Variants in OR56A3 observed in about 807,000 individuals in gnomAD.
The protein encoded by OR56A3 is olfactory receptor 56A3.
Under a neutral mutation model 17.5 loss-of-function variants are expected in OR56A3, and 23 were observed. The ratio of observed to expected loss-of-function variants is 1.32; its 90% CI spans 0.95 to 1.87. The LOEUF is 1.87. Among genes scored for constraint, OR56A3 ranks in the 40% most tolerant of loss-of-function variants. The pLI is 0.00. For missense variants in OR56A3, 366 were observed against 380.1 expected, an observed-to-expected ratio of 0.96 and a Z score of 0.31; for synonymous variants, 175 against 150.6, an observed-to-expected ratio of 1.16 and a Z score of -1.19.
At chr11:6,001,840 A>G in the OR56A3 span, 1 of 504,284 alleles carries the variant, frequency 2.0e-6, no homozygotes, top group Non-Finnish European at 3.4e-6. Flanking sequence ...TAACCATAGA[A>G]TCCAGAAAAG....
rs1847877268 is a variant in OR56A3, at chr11:5,947,468, T to C, written c.122T>C (p.Leu41Ser). The change falls in exon 3 of 3, where the codon TTG (leucine) becomes TCG (serine). Residue 41 changes from leucine (L) to serine (S), a missense_variant. Transcript: ENST00000641160. ...CTGCCCCTCAGCCTCCTTTTCCTCTTGGCCGTAGGGGCCAACACCACCCTC... is the reference window on the plus strand; with the variant it reads ...CTGCCCCTCAGCCTCCTTTTCCTCTCGGCCGTAGGGGCCAACACCACCCTC... ...LSLPLSLLFL[L>S]AVGANTTLLM... 6.2e-7 allele frequency: 1 copy of C among 1,614,040 alleles called. No individual in the cohort carries two copies. The highest frequency in any genetic ancestry group is 8.5e-7 in the Non-Finnish European group (1 of 1,179,886).
the OR56A3 span, among the ~76,000 whole-genome samples, chr11:6,016,404 C>T: frequency 3.3e-5 from 5 of 152,030 alleles, no homozygotes; most frequent in Non-Finnish European, 5.9e-5. Context: ...TCACTGATTA[C>T]AACTGAAGAA....
intron 2 of OR56A3, among the ~76,000 whole-genome samples, chr11:5,946,190 T>C (rs574308804): frequency 6.6e-6 from 1 of 152,358 alleles, no homozygotes; most frequent in South Asian, 2.1e-4. Flanking sequence ...CTATTTATAA[T>C]GATATTTTTC....
chr11:6,007,935 T>G, the OR56A3 span, among the ~76,000 whole-genome samples: 2 of 152,182 alleles, frequency 1.3e-5, no homozygotes, highest in Non-Finnish European at 2.9e-5. Context: ...ATGTCCAAGA[T>G]TTTATCTTCA....
chr11:5,985,622 T>C, the OR56A3 span, among the ~76,000 whole-genome samples: 4 of 152,302 alleles, frequency 2.6e-5, no homozygotes, highest in East Asian at 5.8e-4. Flanking sequence ...TGGCCTACCA[T>C]TGGGCAAAGG....
chr11:5,962,594 AGT>A, the OR56A3 span, among the ~76,000 whole-genome samples: 1 of 144,092 alleles, frequency 6.9e-6, no homozygotes, highest in East Asian at 2.1e-4. Context: ...TGCGGACTGC[AGT>A]GGCGCAATCT....
At position 5,949,593 on chromosome 11, in the gene OR56A3, C is replaced by G. The variant is rs1307039274; in HGVS notation, c.*1299C>G. The G allele has an allele frequency of 2.6e-5, 4 of 152,174 alleles. No homozygotes were observed. Among genetic ancestry groups the G allele is most frequent in the Admixed American group, 2.0e-4 (3 of 15,274 alleles). The allele number at this position is 152,174 out of a possible 1,614,324, so 9.4% of individuals were successfully genotyped here. On this transcript the variant is annotated 3_prime_UTR_variant, in exon 3 of 3. Coordinates refer to ENST00000641160, the MANE Select transcript of OR56A3 (RefSeq NM_001003443.3). ...GATTCTGTGCTTCAGTAACAACTTA[C>G]AAGTATGTGTTACTTTGTTTTGACC...
downstream of OR56A3, among the ~76,000 whole-genome samples, chr11:5,952,239 T>G (rs1481345928): frequency 6.6e-6 from 1 of 152,196 alleles, no homozygotes; most frequent in Non-Finnish European, 1.5e-5. Flanking sequence ...TGCAAGGCGG[T>G]TGCCACTTGG....
At chr11:5,978,306 A>G in the OR56A3 span, among the ~76,000 whole-genome samples, 5 of 152,010 alleles carry the variant, frequency 3.3e-5, no homozygotes, top group Non-Finnish European at 5.9e-5. Context: ...AGTATGGGGA[A>G]TGTTTTAACA....
At chr11:6,011,204 T>TATACATATATATATATA in the OR56A3 span, among the ~76,000 whole-genome samples, 1,340 of 122,468 alleles carry the variant, frequency 0.011, 17 homozygotes, top group South Asian at 0.029. Flanking sequence ...GAGATTTATT[T>TATACATATATATATATA]TATATATATA....
chr11:6,015,017 G>GAAAAAAAAAAAAAAA, the OR56A3 span, among the ~76,000 whole-genome samples: 12 of 39,536 alleles, frequency 3.0e-4, no homozygotes, highest in Admixed American at 9.0e-4. Context: ...AAAAAAAAAT[G>GAAAAAAAAAAAAAAA]ACCTGAAACT....
At chr11:5,987,411 A>G in the OR56A3 span, among the ~76,000 whole-genome samples, 1 of 152,006 alleles carries the variant, frequency 6.6e-6, no homozygotes, top group Non-Finnish European at 1.5e-5. Flanking sequence ...TCTGTGCATT[A>G]TCTCTTAATT....
chr11:5,991,039 C>A, the OR56A3 span, among the ~76,000 whole-genome samples: 2 of 152,160 alleles, frequency 1.3e-5, no homozygotes, highest in East Asian at 1.9e-4. Flanking sequence ...TTGTGGGGAA[C>A]AATGATGAAG....
the OR56A3 span, chr11:6,002,740 G>A: frequency 6.2e-7 from 1 of 1,614,214 alleles, no homozygotes; most frequent in Non-Finnish European, 8.5e-7. Context: ...AAGATGGCCA[G>A]GACCTTGGGG....
At chr11:6,002,770 C>T in the OR56A3 span, 30 of 1,613,708 alleles carry the variant, frequency 1.9e-5, no homozygotes, top group South Asian at 2.1e-4. Flanking sequence ...AGGCAGAGCA[C>T]GATGTCCAGC....
downstream of OR56A3, among the ~76,000 whole-genome samples, chr11:5,951,879 G>T (rs566796096): frequency 6.6e-6 from 1 of 152,184 alleles, no homozygotes; most frequent in Admixed American, 6.5e-5. Context: ...AAAAAGTAAG[G>T]TAATTTTAGA....
Position 5,948,398 on chromosome 11 carries a change from G to C in OR56A3, c.*104G>C, listed in dbSNP as rs1343857742. 1 of 721,728 alleles carries C rather than the reference G, an allele frequency of 1.4e-6. No homozygotes were observed. The highest frequency in any genetic ancestry group is 2.8e-5 in the Admixed American group (1 of 36,114). The allele number at this position is 721,728 out of a possible 1,614,324, so 44.7% of individuals were successfully genotyped here. A position where few individuals can be genotyped will look rare whatever the true frequency, so the allele number is the denominator to read the frequency against. ...ATCTGTGACTTATAACCTCAAACTGGGTACACTAGATATTGTGTGTGCTTT... is the reference window on the plus strand; with the variant it reads ...ATCTGTGACTTATAACCTCAAACTGCGTACACTAGATATTGTGTGTGCTTT... On this transcript the variant is annotated 3_prime_UTR_variant, in exon 3 of 3. Transcript: ENST00000641160.
the OR56A3 span, among the ~76,000 whole-genome samples, chr11:5,978,478 G>T: frequency 6.6e-6 from 1 of 151,986 alleles, no homozygotes; most frequent in Non-Finnish European, 1.5e-5. Flanking sequence ...TGTGGCTATT[G>T]TAATGGGATT....
At chr11:6,005,215 A>T in the OR56A3 span, among the ~76,000 whole-genome samples, 1 of 152,184 alleles carries the variant, frequency 6.6e-6, no homozygotes, top group African/African-American at 2.4e-5. Flanking sequence ...TCATATTCTG[A>T]AGTTCTGTTA....
Sources: allele counts gnomAD v4.1 joint callset (sites outside exome capture counted in the v4.1 genomes callset), GRCh38; gene constraint gnomAD v4.1.1; transcripts MANE v1.5; gene names NCBI Gene and HGNC (gene_info 2026-07-23, HGNC 2026-07-21).